The following LRP1-AS variants were observed in gnomAD, a reference collection of about 807,000 sequenced individuals.
LRP1-AS encodes LRP1 antisense RNA.
At chr12:57,147,213 C>T (rs1164814343) in intron 1 of LRP1-AS, among the ~76,000 whole-genome samples, 1 of 151,012 alleles carries the variant, frequency 6.6e-6, no homozygotes, top group Admixed American at 6.6e-5. Flanking sequence ...GCTTCTGTCC[C>T]TTCCTCCCTG....
chr12:57,146,622 CCCTCACT>C (rs1384178157), intron 1 of LRP1-AS: 1 of 152,224 alleles, frequency 6.6e-6, no homozygotes, highest in Non-Finnish European at 1.5e-5. Context: ...CCTCTGAGAG[CCCTCACT>C]CTCCGTGGCC....
chr12:57,146,152 C>T (rs1424206542), intron 1 of LRP1-AS, among the ~76,000 whole-genome samples: 1 of 152,132 alleles, frequency 6.6e-6, no homozygotes, highest in Non-Finnish European at 1.5e-5. Context: ...GGGGCACGAG[C>T]ATAGCTGGGT....
chr12:57,147,484 A>AAGAAGAAAGGCTGC (rs1338038240), exon 1 of LRP1-AS: 1 of 152,196 alleles, frequency 6.6e-6, no homozygotes, highest in Non-Finnish European at 1.5e-5. Context: ...AAGGAGGACG[A>AAGAAGAAAGGCTGC]AGAAGAAAGG....
intron 1 of LRP1-AS, chr12:57,145,152 T>C (rs756563574): frequency 1.5e-5 from 24 of 1,613,312 alleles, no homozygotes; most frequent in Non-Finnish European, 1.9e-5. Context: ...CTCAATGCTG[T>C]TCCCTGGTGG....
At chr12:57,144,887 G>A in exon 2 of LRP1-AS, 2 of 1,346,384 alleles carry the variant, frequency 1.5e-6, no homozygotes, top group South Asian at 1.2e-5. Context: ...TGTAAGGATG[G>A]ACATGTTGAT....
chr12:57,145,552 C>CT, intron 1 of LRP1-AS: 1 of 1,580,854 alleles, frequency 6.3e-7, no homozygotes, highest in Non-Finnish European at 8.6e-7. Flanking sequence ...GAAGGTGGAC[C>CT]CTATCTTGAA....
At chr12:57,145,659 G>A (rs773001813) in intron 1 of LRP1-AS, among the ~76,000 whole-genome samples, 25 of 152,160 alleles carry the variant, frequency 1.6e-4, no homozygotes, top group Admixed American at 5.2e-4. Context: ...CAGAGCCACC[G>A]GCACGCTCCC....
chr12:57,144,817 T>C, exon 2 of LRP1-AS: 1 of 714,770 alleles, frequency 1.4e-6, no homozygotes, highest in Non-Finnish European at 2.4e-6. Flanking sequence ...ACTTGCTGGG[T>C]GTTAAGGTTT....
chr12:57,145,224 C>T (rs200379692), intron 1 of LRP1-AS: 6 of 1,614,118 alleles, frequency 3.7e-6, no homozygotes, highest in Admixed American at 3.3e-5. Context: ...TCCCCATTCC[C>T]AGAGCCAGTA....
chr12:57,145,555 A>C, intron 1 of LRP1-AS: 1 of 1,571,866 alleles, frequency 6.4e-7, no homozygotes, highest in Admixed American at 1.7e-5. Context: ...GGTGGACCCT[A>C]TCTTGAACAG....
chr12:57,145,179 T>C (rs948325117), intron 1 of LRP1-AS: 2 of 1,612,978 alleles, frequency 1.2e-6, no homozygotes, highest in African/African-American at 2.7e-5. Flanking sequence ...GCCTGAGAGG[T>C]GGTCCTAGAG....
chr12:57,144,887 GA>G, exon 2 of LRP1-AS: 1 of 1,346,384 alleles, frequency 7.4e-7, no homozygotes. Context: ...TGTAAGGATG[GA>G]CATGTTGATC....
chr12:57,145,009 G>C (rs759917989), exon 2 of LRP1-AS: 2 of 1,614,048 alleles, frequency 1.2e-6, no homozygotes, highest in Non-Finnish European at 1.7e-6. Context: ...CCTGCAGCCA[G>C]CTATGCACCA....
At chr12:57,144,857 G>C in exon 2 of LRP1-AS, 1 of 1,059,206 alleles carries the variant, frequency 9.4e-7, no homozygotes, top group South Asian at 1.4e-5. Context: ...AGATTCTGCC[G>C]AACTGTCCTT....
intron 1 of LRP1-AS, chr12:57,145,427 C>T (rs370701297): frequency 2.0e-5 from 32 of 1,614,000 alleles, no homozygotes; most frequent in Middle Eastern, 1.6e-4. Context: ...CAAGTGTGCC[C>T]GCATGCCTGG....
chr12:57,146,915 A>G (rs1047718217), intron 1 of LRP1-AS, among the ~76,000 whole-genome samples: 3 of 151,718 alleles, frequency 2.0e-5, no homozygotes, highest in Non-Finnish European at 4.4e-5. Context: ...CTGTCTGGGC[A>G]GACAGCTTGT....
At chr12:57,147,188 G>A (rs190854899) in intron 1 of LRP1-AS, among the ~76,000 whole-genome samples, 84 of 151,948 alleles carry the variant, frequency 5.5e-4, no homozygotes, top group Non-Finnish European at 2.9e-4. Context: ...AAATGAGTGG[G>A]TTTCTCTCAT....
At chr12:57,145,642 G>A in intron 1 of LRP1-AS, 1 of 1,046,882 alleles carries the variant, frequency 9.6e-7, no homozygotes, top group Non-Finnish European at 1.4e-6. Context: ...TGTGTTTGAG[G>A]CAGGGGCAGA....
rs35031168 is a variant in LRP1-AS at position 57,145,411 on chromosome 12, G to A, written n.182-328C>T. On this transcript the variant is annotated intron_variant and non_coding_transcript_variant, in intron 1 of 1. Transcript: ENST00000555461. The stretch of plus-strand genomic sequence containing the variant: ...ATGTTGGGGACAGTGCTGCTCAGAC[G>A]CAGCTCAAGTGTGCCCGCATGCCTG... 741 of 1,614,148 alleles carry A rather than the reference G, an allele frequency of 4.6e-4. 2 individuals are homozygous for A. In the Middle Eastern group the frequency reaches 5.8e-3, roughly 13 times the overall value.
Sources: allele counts gnomAD v4.1 joint callset (sites outside exome capture counted in the v4.1 genomes callset), GRCh38; gene constraint gnomAD v4.1.1; transcripts MANE v1.5; gene names NCBI Gene and HGNC (gene_info 2026-07-23, HGNC 2026-07-21).